The following AK5 variants were observed in gnomAD, a reference collection of about 807,000 sequenced individuals.
AK5 encodes the protein adenylate kinase isoenzyme 5.
Under a neutral mutation model 69.5 loss-of-function variants are expected in AK5, and 27 were observed. The ratio of observed to expected loss-of-function variants is 0.39; its 90% CI spans 0.29 to 0.54. AK5 has a LOEUF of 0.54. Among genes scored for constraint, AK5 ranks in the 20% least tolerant of loss-of-function variants. The pLI, the probability that AK5 is intolerant of heterozygous loss-of-function variation, is 0.71. For missense variants in AK5, 531 were observed against 700.4 expected, an observed-to-expected ratio of 0.76 and a Z score of 2.73; for synonymous variants, 260 against 244.4, an observed-to-expected ratio of 1.06 and a Z score of -0.60.
chr1:77,339,027 G>A (rs1050685717), intron 5 of AK5, among the ~76,000 whole-genome samples: 3 of 152,014 alleles, frequency 2.0e-5, no homozygotes, highest in African/African-American at 7.2e-5. Context: ...GTGGTCTCCA[G>A]AGTGCACAAA....
intron 8 of AK5, among the ~76,000 whole-genome samples, chr1:77,427,693 G>A (rs1164057739): frequency 6.6e-6 from 1 of 152,118 alleles, no homozygotes; most frequent in African/African-American, 2.4e-5. Context: ...ATCTTTATAA[G>A]TGCAGATGTG....
In AK5 at chr1:77,356,823, A is replaced by G. The variant is rs540981824; in HGVS notation, c.891+16255A>G. Among the ~76,000 whole-genome samples, 5 of 152,322 alleles carry G rather than the reference A, an allele frequency of 3.3e-5. No individual in the cohort carries two copies. The South Asian group carries it at 8.3e-4, about 25-fold the overall frequency. ...GATTTCTGACAAGAGAGAAATTCCC[A>G]TAATCCAGTGGTATTTTTAAAATCT... On this transcript the variant is annotated intron_variant, in intron 6 of 13. Coordinates refer to ENST00000354567, the MANE Select transcript of AK5 (RefSeq NM_174858.3).
chr1:77,537,053 T>A (rs899792406), intron 13 of AK5, among the ~76,000 whole-genome samples: 12 of 152,126 alleles, frequency 7.9e-5, no homozygotes, highest in Admixed American at 7.9e-4. Flanking sequence ...TAAATAAGAT[T>A]CTTGAATCCT....
chr1:77,319,667 G>T (rs1167196), intron 5 of AK5, among the ~76,000 whole-genome samples: 101,245 of 152,084 alleles, frequency 0.67, 33,753 homozygotes, highest in East Asian at 0.79. Flanking sequence ...TTTCCTTAAT[G>T]TCTTTAATAG....
chr1:77,529,336 T>G (rs1394552518), intron 12 of AK5, among the ~76,000 whole-genome samples: 1 of 144,106 alleles, frequency 6.9e-6, no homozygotes, highest in Non-Finnish European at 1.5e-5. Context: ...TTTTATAGGT[T>G]TTTTTTTTTT....
chr1:77,532,991 T>TA (rs1304236160), intron 12 of AK5, among the ~76,000 whole-genome samples: 1 of 152,370 alleles, frequency 6.6e-6, no homozygotes, highest in East Asian at 1.9e-4. Context: ...TGAAAAAAAT[T>TA]AGATGGTATC....
At chr1:77,361,718 T>C (rs1646868523) in intron 6 of AK5, among the ~76,000 whole-genome samples, 1 of 152,190 alleles carries the variant, frequency 6.6e-6, no homozygotes, top group South Asian at 2.1e-4. Context: ...AAGTCACATC[T>C]TATGTGGATG....
chr1:77,439,804 A>G (rs1297629007), intron 8 of AK5, among the ~76,000 whole-genome samples: 1 of 151,720 alleles, frequency 6.6e-6, no homozygotes, highest in African/African-American at 2.4e-5. Flanking sequence ...ATATGTATAT[A>G]CATACATATA....
chr1:77,360,400 C>T (rs1646842119), intron 6 of AK5, among the ~76,000 whole-genome samples: 1 of 152,132 alleles, frequency 6.6e-6, no homozygotes, highest in South Asian at 2.1e-4. Flanking sequence ...CTGTTCATTT[C>T]AACAGCTGGC....
intron 13 of AK5, among the ~76,000 whole-genome samples, chr1:77,543,697 G>A (rs1248324229): frequency 1.6e-4 from 25 of 152,084 alleles, no homozygotes; most frequent in Admixed American, 1.6e-3. Context: ...TGGCGATAGG[G>A]AGCAGTCCAA....
rs553423628 is a variant in AK5 at position 77,430,785 on chromosome 1, G to A, written c.1059+13070G>A. On this transcript the variant is annotated intron_variant, in intron 8 of 13. Transcript: ENST00000354567. ...TTTCAGGAGGCAGGGAGTGCCAAAT[G>A]TGGCTGAGAAGATAAGGAAGAGAGA... Among the ~76,000 whole-genome samples the A allele has an allele frequency of 2.0e-5, 3 of 152,318 alleles. No homozygotes were observed. In the South Asian group the frequency reaches 6.2e-4, roughly 32 times the overall value.
chr1:77,522,789 G>T (rs759856385), intron 12 of AK5, among the ~76,000 whole-genome samples: 2 of 152,132 alleles, frequency 1.3e-5, no homozygotes, highest in African/African-American at 2.4e-5. Context: ...TGGCCTCATT[G>T]TTAAACAAAT....
At chr1:77,524,948 C>T (rs1467801403) in intron 12 of AK5, among the ~76,000 whole-genome samples, 1 of 152,208 alleles carries the variant, frequency 6.6e-6, no homozygotes, top group Non-Finnish European at 1.5e-5. Flanking sequence ...CAGTCTGTCG[C>T]CCAGGCTGGA....
chr1:77,337,031 G>A (rs1450767668), intron 5 of AK5, among the ~76,000 whole-genome samples: 1 of 152,148 alleles, frequency 6.6e-6, no homozygotes, highest in Admixed American at 6.5e-5. Flanking sequence ...TTTCAGGCCT[G>A]AAGTTGCATT....
At chr1:77,376,831 G>C (rs543221136) in intron 6 of AK5, among the ~76,000 whole-genome samples, 46 of 152,248 alleles carry the variant, frequency 3.0e-4, no homozygotes, top group Non-Finnish European at 5.1e-4. Context: ...GCTGAGGTGA[G>C]AGGATCGCTT....
intron 5 of AK5, chr1:77,313,928 T>C (rs765033293): frequency 9.8e-6 from 5 of 510,648 alleles, no homozygotes; most frequent in Non-Finnish European, 2.0e-5. Flanking sequence ...AGTCTTTGCC[T>C]CTGCCTGCCA....
chr1:77,306,760 T>G (rs2100277453), intron 5 of AK5, among the ~76,000 whole-genome samples: 1 of 152,254 alleles, frequency 6.6e-6, no homozygotes, highest in East Asian at 1.9e-4. Flanking sequence ...GATTTTTTAT[T>G]GCAGTTTTGA....
chr1:77,294,120 T>C (rs1253768137), intron 3 of AK5, among the ~76,000 whole-genome samples, 160 bp downstream of exon 3: 1 of 152,208 alleles, frequency 6.6e-6, no homozygotes, highest in Admixed American at 6.5e-5. Context: ...TTAGTATAAG[T>C]TTCAATAAAA....
intron 12 of AK5, among the ~76,000 whole-genome samples, chr1:77,532,619 C>T (rs1404686437): frequency 1.3e-5 from 2 of 152,204 alleles, no homozygotes; most frequent in African/African-American, 4.8e-5. Context: ...CGCCAGAGGG[C>T]TTATGGGATG....
Sources: allele counts gnomAD v4.1 joint callset (sites outside exome capture counted in the v4.1 genomes callset), GRCh38; gene constraint gnomAD v4.1.1; transcripts MANE v1.5; gene names NCBI Gene and HGNC (gene_info 2026-07-23, HGNC 2026-07-21).